The following EVC variants were observed in gnomAD, a reference collection of about 807,000 sequenced individuals.
EVC encodes the protein evC complex member EVC.
In EVC, 116 loss-of-function variants were observed where a neutral mutation model predicts 118.9. The observed-to-expected ratio is 0.98, with a 90% CI of 0.84 to 1.14. The LOEUF (loss-of-function observed/expected upper bound fraction) is 1.14. Ranked by LOEUF, EVC falls within the 50% of genes most tolerant of loss-of-function variation. EVC has a pLI of 0.00. For missense variants in EVC, 1,401 were observed against 1,246.4 expected, an observed-to-expected ratio of 1.12 and a Z score of -1.87; for synonymous variants, 619 against 534.7, an observed-to-expected ratio of 1.16 and a Z score of -2.18.
At chr4:5,757,744 A>T (rs1406854696) in intron 11 of EVC, among the ~76,000 whole-genome samples, 1 of 152,186 alleles carries the variant, frequency 6.6e-6, no homozygotes, top group African/African-American at 2.4e-5. Flanking sequence ...TGATGACCTC[A>T]TCTAACCTTA....
intron 9 of EVC, among the ~76,000 whole-genome samples, chr4:5,753,459 G>A (rs1037157376): frequency 4.6e-5 from 7 of 152,304 alleles, no homozygotes; most frequent in South Asian, 4.1e-4. Context: ...CCTGCTCAGC[G>A]GCAGAGTGGG....
chr4:5,746,943 G>A lies in EVC; in HGVS notation c.940-1205G>A, dbSNP rs910134458. Among the ~76,000 whole-genome samples, 2 of 152,202 alleles carry A rather than the reference G, an allele frequency of 1.3e-5. No homozygotes were observed. The highest frequency in any genetic ancestry group is 2.1e-4 in the South Asian group (1 of 4,826). ...AGAATCAGGAGTTTGTAAGCAGAGCGGGCTGTGTAGAGTTGGCAGGTGACA... is the reference window on the plus strand; with the variant it reads ...AGAATCAGGAGTTTGTAAGCAGAGCAGGCTGTGTAGAGTTGGCAGGTGACA... On this transcript the variant is annotated intron_variant, in intron 7 of 20. Coordinates refer to ENST00000264956, the MANE Select transcript of EVC (RefSeq NM_153717.3). The surrounding 1 kb of genome is among the most constrained non-coding windows in gnomAD (Gnocchi z 5.8).
downstream of EVC, among the ~76,000 whole-genome samples, chr4:5,815,354 G>A (rs771728805): frequency 2.4e-4 from 36 of 152,246 alleles, no homozygotes; most frequent in South Asian, 3.3e-3. Flanking sequence ...AGACCAATAG[G>A]AAAAAGAAAA....
chr4:5,759,993 C>T (rs746444155), intron 11 of EVC, among the ~76,000 whole-genome samples: 5 of 151,946 alleles, frequency 3.3e-5, no homozygotes, highest in Non-Finnish European at 7.4e-5. Flanking sequence ...AGACTCCAAG[C>T]GGGAAGTGGG....
At position 5,745,194 on chromosome 4, in the gene EVC, T is replaced by A; in HGVS notation, c.802-10T>A. 1 of 1,612,124 alleles carries A rather than the reference T, an allele frequency of 6.2e-7. No homozygotes were observed. The highest frequency in any genetic ancestry group is 8.5e-7 in the Non-Finnish European group (1 of 1,179,160). The stretch of plus-strand genomic sequence containing the variant: ...GTTTATTTGCTTTCTTTTTTCTTCT[T>A]CTTCTTCAGGATTTGGAGGAACTAG... On this transcript the variant is annotated splice_polypyrimidine_tract_variant and intron_variant, in intron 6 of 20. Transcript: ENST00000264956.
In EVC at chr4:5,746,436, G is replaced by A. The variant is rs1458103624; in HGVS notation, c.939+1095G>A. 3.3e-5 allele frequency among the ~76,000 whole-genome samples: 5 copies of A among 152,166 alleles called. No homozygotes were observed. The highest frequency in any genetic ancestry group is 3.9e-4 in the East Asian group (2 of 5,192). On this transcript the variant is annotated intron_variant, in intron 7 of 20. Transcript: ENST00000264956. This position sits in a 1 kb window ranked among gnomAD's most constrained non-coding sequence, Gnocchi z 5.8. ...CAGGGTCAGTGCTGCTGAAATAAGCGCCCCAGAGCAAGATGCTCATGGGAG... is the reference window on the plus strand; with the variant it reads ...CAGGGTCAGTGCTGCTGAAATAAGCACCCCAGAGCAAGATGCTCATGGGAG...
chr4:5,740,361 C>T (rs1030506041), intron 5 of EVC, among the ~76,000 whole-genome samples: 1 of 150,764 alleles, frequency 6.6e-6, no homozygotes, highest in Non-Finnish European at 1.5e-5. Flanking sequence ...ATCCCACCTA[C>T]TTGGGAGGCT....
At chr4:5,778,001 ACAACAGT>A (rs1734977228) in intron 11 of EVC, among the ~76,000 whole-genome samples, 3 of 45,020 alleles carry the variant, frequency 6.7e-5, no homozygotes, top group African/African-American at 8.8e-5. Context: ...CCCCTACCCC[ACAACAGT>A]CCCCAGAGTG....
At chr4:5,734,173 C>A (rs890882033) in intron 5 of EVC, among the ~76,000 whole-genome samples, 1 of 151,948 alleles carries the variant, frequency 6.6e-6, no homozygotes, top group Non-Finnish European at 1.5e-5. Flanking sequence ...ATCAAGATGA[C>A]GGGGGTTAAA....
intron 13 of EVC, among the ~76,000 whole-genome samples, chr4:5,796,252 G>T (rs889180092): frequency 6.6e-6 from 1 of 151,680 alleles, no homozygotes; most frequent in Non-Finnish European, 1.5e-5. Flanking sequence ...TGTGTCTGAC[G>T]ATTCTGTTTT....
the EVC span, chr4:5,825,539 G>A: frequency 6.3e-7 from 1 of 1,593,232 alleles, no homozygotes; most frequent in Non-Finnish European, 8.5e-7. This position sits in a 1 kb window ranked among gnomAD's most constrained non-coding sequence, Gnocchi z 4.4. Flanking sequence ...ATGGGTGGGG[G>A]CTGGTGTTTA....
At chr4:5,718,863 T>G (rs1009614871) in intron 1 of EVC, among the ~76,000 whole-genome samples, 9 of 152,156 alleles carry the variant, frequency 5.9e-5, no homozygotes, top group Admixed American at 3.3e-4. Context: ...ACAGGAAAAT[T>G]ATATGCATGT....
intron 11 of EVC, among the ~76,000 whole-genome samples, chr4:5,781,737 G>A (rs1194320979): frequency 6.6e-6 from 1 of 152,140 alleles, no homozygotes; most frequent in African/African-American, 2.4e-5. Context: ...CTATTTGGGA[G>A]GCTGAGGTGA....
chr4:5,747,746 A>G (rs369372252), intron 7 of EVC, among the ~76,000 whole-genome samples: 1 of 152,242 alleles, frequency 6.6e-6, no homozygotes, highest in East Asian at 1.9e-4. Context: ...ATATTTAAAC[A>G]TCTGTTTATG....
At chr4:5,729,026 A>G (rs542087830) in intron 2 of EVC, among the ~76,000 whole-genome samples, 2 of 151,954 alleles carry the variant, frequency 1.3e-5, no homozygotes, top group South Asian at 4.2e-4. Context: ...CCAACCACCC[A>G]TCTATTCATC....
chr4:5,711,469 C>T lies in EVC; in HGVS notation c.89C>T (p.Pro30Leu), dbSNP rs886044558. The change falls in exon 1 of 21, where the codon CCC becomes CTC. Residue 30 changes from proline to leucine, a missense_variant. Pro to Leu is a moderately conservative substitution (Grantham distance 98). Coordinates refer to ENST00000264956, the MANE Select transcript of EVC (RefSeq NM_153717.3). ...CGGCCGGCGCCCGCCCTGCTGGCCC[C>T]CGCCGTGCTGCTGGGCGCCGCGCTC... is the stretch of plus-strand genomic sequence containing the variant. The part of the protein sequence containing the change: ...ALRPAPALLA[P>L]AVLLGAALGL... 2,241 of 1,066,526 alleles carry T rather than the reference C, an allele frequency of 2.1e-3. 1 individual carries two copies. The highest frequency in any genetic ancestry group is 2.4e-3 in the Non-Finnish European group (2,164 of 885,132). The allele number at this position is 1,066,526 out of a possible 1,614,324, so 66.1% of individuals were successfully genotyped here. A position where few individuals can be genotyped will look rare whatever the true frequency, so the allele number is the denominator to read the frequency against.
chr4:5,771,715 G>A (rs566682657), intron 11 of EVC, among the ~76,000 whole-genome samples: 38 of 152,272 alleles, frequency 2.5e-4, no homozygotes, highest in Admixed American at 9.8e-4. Flanking sequence ...CCTCCCCGTC[G>A]CCGGGAAGCA....
chr4:5,772,755 C>T (rs866030478), intron 11 of EVC, among the ~76,000 whole-genome samples: 2 of 152,140 alleles, frequency 1.3e-5, no homozygotes, highest in Non-Finnish European at 2.9e-5. Context: ...AAAGTTCTGT[C>T]CCTTGCTCCC....
chr4:5,828,070 G>T, the EVC span: 2,622 of 985,432 alleles, frequency 2.7e-3, 62 homozygotes, highest in African/African-American at 0.042. Context: ...GTAACACCTT[G>T]CTCCACAGGG....
Sources: gnomAD v4.1 joint callset for allele counts (sites outside exome capture counted in the v4.1 genomes callset) on GRCh38, gnomAD v4.1.1 for gene constraint, Gnocchi (gnomAD v3.1) non-coding constraint, MANE v1.5 for transcripts, NCBI Gene and HGNC (gene_info 2026-07-23, HGNC 2026-07-21) for gene names.